The following MYO7A variants were observed in gnomAD, a reference collection of about 807,000 sequenced individuals.
MYO7A encodes myosin VIIA.
A neutral mutation model predicts 263.8 loss-of-function variants in MYO7A; 210 were observed. That is an observed-to-expected ratio of 0.80 (90% confidence interval 0.71 to 0.89). The LOEUF (loss-of-function observed/expected upper bound fraction) is 0.89. Among genes scored for constraint, MYO7A ranks in the 40% least tolerant of loss-of-function variants. The pLI, the probability that MYO7A is intolerant of heterozygous loss-of-function variation, is 0.00. For synonymous variants in MYO7A, 1,239 were observed against 1,197.3 expected, an observed-to-expected ratio of 1.03 and a Z score of -0.72; for missense variants, 2,820 against 2,968.3, an observed-to-expected ratio of 0.95 and a Z score of 1.16.
intron 22 of MYO7A, 57 bp downstream of exon 22, chr11:77,180,538 C>G: frequency 6.7e-7 from 1 of 1,491,446 alleles, no homozygotes; most frequent in East Asian, 2.4e-5. Flanking sequence ...GTCCCCTCCC[C>G]GAGGCTGGCT....
chr11:77,213,086 C>G (rs1957979761), intron 47 of MYO7A, 51 bp downstream of exon 47: 1 of 1,405,760 alleles, frequency 7.1e-7, no homozygotes. Flanking sequence ...GCCTGAACCA[C>G]AGACACGGTC....
At chr11:77,197,905 C>G (rs530555598) in intron 33 of MYO7A, among the ~76,000 whole-genome samples, 122 of 151,986 alleles carry the variant, frequency 8.0e-4, no homozygotes, top group African/African-American at 2.7e-3. Flanking sequence ...TCCCCAACAC[C>G]CGGTAGCGAC....
intron 18 of MYO7A, 39 bp downstream of exon 18, chr11:77,175,503 C>CA: frequency 6.3e-7 from 1 of 1,580,718 alleles, no homozygotes; most frequent in Non-Finnish European, 8.7e-7. Flanking sequence ...CCTGGGGGGG[C>CA]TGTAAATTCC....
chr11:77,147,714 G>T (rs1951672115), intron 3 of MYO7A, 84 bp from the exon 4 acceptor site: 3 of 1,552,102 alleles, frequency 1.9e-6, no homozygotes, highest in African/African-American at 1.4e-5. Context: ...CACTCACCCC[G>T]CGCTCCCGCC....
At chr11:77,158,239 C>G in intron 8 of MYO7A, 38 bp from the exon 9 acceptor site, 4 of 1,543,064 alleles carry the variant, frequency 2.6e-6, no homozygotes, top group Non-Finnish European at 3.5e-6. Flanking sequence ...GGTACACTGA[C>G]GTCCTCTTGC....
At chr11:77,151,142 G>C (rs1051862852) in intron 4 of MYO7A, among the ~76,000 whole-genome samples, 3 of 152,210 alleles carry the variant, frequency 2.0e-5, no homozygotes, top group African/African-American at 7.2e-5. Flanking sequence ...CCAGAATGAG[G>C]AAAGGCCCTC....
rs1950805793 is a variant in MYO7A, at chr11:77,132,883, A to G, written c.18+2231A>G. On this transcript the variant is annotated intron_variant, in intron 2 of 48. Coordinates refer to ENST00000409709, the MANE Select transcript of MYO7A (RefSeq NM_000260.4). ...CCCTCTTACTCAACAGCAAAGCACA[A>G]GATGGAGCCCACTGGGCCCGGCCTG... Among the ~76,000 whole-genome samples the G allele has an allele frequency of 4.6e-5, 7 of 152,206 alleles. No homozygotes were observed. In the South Asian group the frequency reaches 1.4e-3, roughly 31 times the overall value.
chr11:77,193,400 G>A (rs999145487), intron 31 of MYO7A, among the ~76,000 whole-genome samples: 1 of 150,926 alleles, frequency 6.6e-6, no homozygotes, highest in Non-Finnish European at 1.5e-5. Context: ...GATGGTGGAG[G>A]CAGTGATGGT....
In MYO7A at chr11:77,204,173, C is replaced by A; in HGVS notation, c.5424C>A (p.Pro1808=). The change falls in exon 39 of 49, where the codon CCC becomes CCA. Residue 1808 remains proline (P), a synonymous_variant. Coordinates refer to ENST00000409709, the MANE Select transcript of MYO7A (RefSeq NM_000260.4). The part of the protein sequence containing the change: ...QIFEGPLKAE[P]LKDEAYVQIL... ...TTGAGGGTCCCCTGAAAGCCGAGCC[C>A]CTGAAGGACGAGGCATATGTGCAGA... is the stretch of plus-strand genomic sequence containing the variant. 1 of 1,589,326 alleles carries A rather than the reference C, an allele frequency of 6.3e-7. No individual in the cohort carries two copies. The highest frequency in any genetic ancestry group is 2.3e-5 in the East Asian group (1 of 43,370).
At chr11:77,169,548 C>A (rs1170801324) in intron 15 of MYO7A, among the ~76,000 whole-genome samples, 2 of 152,180 alleles carry the variant, frequency 1.3e-5, no homozygotes, top group African/African-American at 4.8e-5. Context: ...TCACTTCCAC[C>A]TTTACCCCAT....
Position 77,147,960 on chromosome 11 carries a change from G to A in MYO7A, c.285+10G>A, listed in dbSNP as rs1190736359. ...GGACCACCTCATCTACGTGAGTGCCGCCCCGCCCGGTGCCCGTCCAGGCCC... is the reference window on the plus strand; with the variant it reads ...GGACCACCTCATCTACGTGAGTGCCACCCCGCCCGGTGCCCGTCCAGGCCC... On this transcript the variant is annotated intron_variant, in intron 4 of 48. Transcript: ENST00000409709. 6.5e-6 allele frequency: 10 copies of A among 1,531,822 alleles called. No individual in the cohort carries two copies. Among genetic ancestry groups the A allele is most frequent in the Non-Finnish European group, 8.8e-6 (10 of 1,137,546 alleles). 94.9% of individuals were successfully genotyped at this position (1,531,822 alleles called of 1,614,324 possible).
At chr11:77,211,390 C>G (rs1224316693) in intron 45 of MYO7A, 53 bp downstream of exon 45, 1 of 1,519,692 alleles carries the variant, frequency 6.6e-7, no homozygotes, top group Non-Finnish European at 8.9e-7. Flanking sequence ...GGCCTCGGGG[C>G]ACCCCAGGGG....
chr11:77,174,713 G>T, intron 16 of MYO7A, 43 bp from the exon 17 acceptor site: 1 of 1,539,436 alleles, frequency 6.5e-7, no homozygotes, highest in Non-Finnish European at 8.8e-7. Flanking sequence ...CTGCCTCCCA[G>T]CAGGAGCCTT....
At position 77,166,054 on chromosome 11, in the gene MYO7A, A is replaced by T; in HGVS notation, c.1691-2A>T. On this transcript the variant is annotated splice_acceptor_variant, in intron 14 of 48. Transcript: ENST00000409709. LOFTEE classifies it high-confidence loss of function. ...GAGGTGACTGCTGTTTGCTGCTTGC[A>T]GGCTTCCTGGAGAAGAACCGAGACA... is the stretch of plus-strand genomic sequence containing the variant. 1 of 1,612,790 alleles carries T rather than the reference A, an allele frequency of 6.2e-7. No individual in the cohort carries two copies. Among genetic ancestry groups the T allele is most frequent in the Non-Finnish European group, 8.5e-7 (1 of 1,179,156 alleles).
chr11:77,200,047 T>C (rs1401057380), intron 35 of MYO7A, among the ~76,000 whole-genome samples: 3 of 152,068 alleles, frequency 2.0e-5, no homozygotes, highest in Non-Finnish European at 4.4e-5. Context: ...GATGGGAGGA[T>C]CACTTGAGGC....
chr11:77,202,520 C>T, intron 37 of MYO7A, 96 bp downstream of exon 37: 1 of 1,466,572 alleles, frequency 6.8e-7, no homozygotes. Flanking sequence ...TGTGAAGCCC[C>T]CACCTGTGAG....
intron 16 of MYO7A, 50 bp from the exon 17 acceptor site, chr11:77,174,706 C>T (rs1355882485): frequency 1.3e-6 from 2 of 1,530,790 alleles, no homozygotes; most frequent in Admixed American, 2.0e-5. Context: ...AGCAGGGCTG[C>T]CTCCCAGCAG....
intron 27 of MYO7A, among the ~76,000 whole-genome samples, chr11:77,186,472 C>G (rs1555088513): frequency 6.6e-6 from 1 of 152,200 alleles, no homozygotes; most frequent in Non-Finnish European, 1.5e-5. Flanking sequence ...CTAGCTAGAC[C>G]TTCTGGAAAA....
At chr11:77,177,746 CGT>C in intron 19 of MYO7A, 103 bp downstream of exon 19, 1 of 900,824 alleles carries the variant, frequency 1.1e-6, no homozygotes, top group Admixed American at 2.1e-5. Context: ...AGGAAAAAAA[CGT>C]GTTCACCTAT....
Sources: allele counts gnomAD v4.1 joint callset (sites outside exome capture counted in the v4.1 genomes callset), GRCh38; gene constraint gnomAD v4.1.1; transcripts MANE v1.5; gene names NCBI Gene and HGNC (gene_info 2026-07-23, HGNC 2026-07-21).